The following CTNNA3 variants were observed in gnomAD, a reference collection of about 807,000 sequenced individuals.
The protein encoded by CTNNA3 is catenin alpha 3.
In CTNNA3, 76 loss-of-function variants were observed where a neutral mutation model predicts 95.7. The ratio of observed to expected loss-of-function variants is 0.79; its 90% confidence interval spans 0.66 to 0.96. CTNNA3 has a LOEUF of 0.96. Among genes scored for constraint, CTNNA3 ranks in the 40% least tolerant of loss-of-function variants. The pLI, the probability that CTNNA3 is intolerant of heterozygous loss-of-function variation, is 0.00. For synonymous variants in CTNNA3, 431 were observed against 374.4 expected, an observed-to-expected ratio of 1.15 and a Z score of -1.74; for missense variants, 1,191 against 1,089.8, an observed-to-expected ratio of 1.09 and a Z score of -1.31.
At chr10:66,175,320 C>T (rs1181144198) in intron 13 of CTNNA3, among the ~76,000 whole-genome samples, 1 of 151,936 alleles carries the variant, frequency 6.6e-6, no homozygotes, top group African/African-American at 2.4e-5. Context: ...AAGCAGAGTA[C>T]AATAAGAAAG....
At chr10:66,189,971 A>G (rs1366604261) in intron 13 of CTNNA3, among the ~76,000 whole-genome samples, 1 of 151,992 alleles carries the variant, frequency 6.6e-6, no homozygotes, top group Non-Finnish European at 1.5e-5. Flanking sequence ...TGGCAGTCCC[A>G]CAAAGAGAGG....
intron 5 of CTNNA3, among the ~76,000 whole-genome samples, chr10:67,341,553 T>A (rs1842191158): frequency 6.6e-6 from 1 of 152,182 alleles, no homozygotes; most frequent in Non-Finnish European, 1.5e-5. Flanking sequence ...CAAATACTAC[T>A]CCATTGTGTA....
At chr10:66,743,718 C>T (rs1240156082) in intron 9 of CTNNA3, among the ~76,000 whole-genome samples, 1 of 152,070 alleles carries the variant, frequency 6.6e-6, no homozygotes, top group Non-Finnish European at 1.5e-5. Context: ...TGGCTCATGA[C>T]TGTAATCCCA....
In CTNNA3 at chr10:66,910,509, G is replaced by GA. The variant is rs901152760; in HGVS notation, c.1048-134986dup. Reference sequence around the variant, plus strand: ...AGATAGCAACCTATAAGATGGCATGGAAAAAAAATCAGAATTTTATTCTCT... The same window carrying GA: ...AGATAGCAACCTATAAGATGGCATGGAAAAAAAAATCAGAATTTTATTCTCT... On this transcript the variant is annotated intron_variant, in intron 7 of 17. Transcript: ENST00000433211. Among the ~76,000 whole-genome samples, 8 of 151,614 alleles carry GA rather than the reference G, an allele frequency of 5.3e-5. No individual in the cohort carries two copies. The East Asian group carries it at 7.7e-4, about 15-fold the overall frequency.
intron 6 of CTNNA3, among the ~76,000 whole-genome samples, chr10:67,191,693 C>T (rs1368982120): frequency 2.0e-5 from 3 of 151,676 alleles, no homozygotes; most frequent in South Asian, 2.1e-4. Flanking sequence ...TCTATAGAGT[C>T]AAAACAATCT....
chr10:66,607,472 CAAAAAAAA>C (rs574854850), intron 10 of CTNNA3, among the ~76,000 whole-genome samples: 25 of 45,292 alleles, frequency 5.5e-4, no homozygotes, highest in Non-Finnish European at 8.7e-4. Flanking sequence ...CAGAGACAAC[CAAAAAAAA>C]AAAAAAAAAA....
At chr10:66,423,550 T>C (rs901296777) in intron 11 of CTNNA3, among the ~76,000 whole-genome samples, 1 of 152,008 alleles carries the variant, frequency 6.6e-6, no homozygotes, top group South Asian at 2.1e-4. Flanking sequence ...CCAGAAACAT[T>C]CCAACCCTAA....
At chr10:66,256,978 C>T (rs1225727963) in intron 13 of CTNNA3, among the ~76,000 whole-genome samples, 1 of 151,794 alleles carries the variant, frequency 6.6e-6, no homozygotes, top group Non-Finnish European at 1.5e-5. Context: ...GCGAGTGACC[C>T]TCTCTCCCTC....
At chr10:66,891,295 G>A (rs975896019) in intron 7 of CTNNA3, among the ~76,000 whole-genome samples, 3 of 152,288 alleles carry the variant, frequency 2.0e-5, no homozygotes, top group Middle Eastern at 6.8e-3. Flanking sequence ...GAAATTGAAA[G>A]AAATGCAGGT....
intron 7 of CTNNA3, among the ~76,000 whole-genome samples, chr10:67,089,162 A>G (rs922024037): frequency 6.6e-6 from 1 of 152,004 alleles, no homozygotes; most frequent in Non-Finnish European, 1.5e-5. Context: ...CCAATCCCCC[A>G]TGGATACTGA....
At chr10:66,452,823 G>T (rs930157999) in intron 11 of CTNNA3, among the ~76,000 whole-genome samples, 1 of 152,052 alleles carries the variant, frequency 6.6e-6, no homozygotes, top group African/African-American at 2.4e-5. Context: ...CTGACTCCAT[G>T]CAAGAAGATA....
intron 7 of CTNNA3, among the ~76,000 whole-genome samples, chr10:66,861,305 T>C (rs1843913006): frequency 6.6e-6 from 1 of 152,184 alleles, no homozygotes; most frequent in Non-Finnish European, 1.5e-5. Context: ...CCACTGTCTG[T>C]GTGGAGTTTG....
At chr10:67,223,581 A>G (rs1290322411) in intron 5 of CTNNA3, among the ~76,000 whole-genome samples, 1 of 152,248 alleles carries the variant, frequency 6.6e-6, no homozygotes, top group Non-Finnish European at 1.5e-5. Context: ...GGATTTAAAA[A>G]GACCTTAAAG....
chr10:67,079,034 C>T (rs1856894042), intron 7 of CTNNA3, among the ~76,000 whole-genome samples: 1 of 152,122 alleles, frequency 6.6e-6, no homozygotes, highest in Non-Finnish European at 1.5e-5. Flanking sequence ...TCTTAATCCA[C>T]TTCAACTAGA....
intron 7 of CTNNA3, among the ~76,000 whole-genome samples, chr10:66,905,454 C>CAG: frequency 6.6e-6 from 1 of 152,080 alleles, no homozygotes; most frequent in Non-Finnish European, 1.5e-5. Flanking sequence ...AGCCAACATG[C>CAG]CACATGTATG....
intron 11 of CTNNA3, among the ~76,000 whole-genome samples, chr10:66,425,166 T>C (rs898451434): frequency 1.3e-5 from 2 of 152,016 alleles, no homozygotes; most frequent in African/African-American, 4.8e-5. Flanking sequence ...GAAATTAATA[T>C]TTTGACACAA....
Position 67,102,844 on chromosome 10 carries a change from G to A in CTNNA3, c.1047+77473C>T, listed in dbSNP as rs532058373. Reference sequence around the variant, plus strand: ...AAGACAGTCTTTTCCTCAGTCTATAGGAAATGACGGTCTGATTCCAGGTTT... The same window carrying A: ...AAGACAGTCTTTTCCTCAGTCTATAAGAAATGACGGTCTGATTCCAGGTTT... On this transcript the variant is annotated intron_variant, in intron 7 of 17. Transcript: ENST00000433211. 5.9e-5 allele frequency among the ~76,000 whole-genome samples: 9 copies of A among 151,874 alleles called. No homozygotes were observed. In the South Asian group the frequency reaches 1.5e-3, roughly 25 times the overall value.
At chr10:66,070,611 A>G (rs2080415042) in intron 14 of CTNNA3, among the ~76,000 whole-genome samples, 1 of 152,144 alleles carries the variant, frequency 6.6e-6, no homozygotes, top group South Asian at 2.1e-4. Context: ...TGTTCTCATA[A>G]TAAAGCTATT....
At chr10:67,545,044 TA>T (rs928662239) in intron 3 of CTNNA3, among the ~76,000 whole-genome samples, 2 of 148,658 alleles carry the variant, frequency 1.3e-5, no homozygotes, top group East Asian at 2.0e-4. Context: ...CTGATTCTAT[TA>T]AAAAAAATTT....
Sources: gnomAD v4.1 joint callset for allele counts (sites outside exome capture counted in the v4.1 genomes callset) on GRCh38, gnomAD v4.1.1 for gene constraint, MANE v1.5 for transcripts, NCBI Gene and HGNC (gene_info 2026-07-23, HGNC 2026-07-21) for gene names.